CNKSR3: variants seen among roughly 807,000 people sequenced by gnomAD.
CNKSR3 encodes connector enhancer of kinase suppressor of ras 3.
A neutral mutation model predicts 67.7 loss-of-function variants in CNKSR3; 36 were observed. The ratio of observed to expected loss-of-function variants is 0.53; its 90% CI spans 0.41 to 0.70. The LOEUF is 0.70. CNKSR3 is among the 30% of genes least tolerant of loss of function. The pLI, the probability that CNKSR3 is intolerant of heterozygous loss-of-function variation, is 0.00. For missense variants in CNKSR3, 630 were observed against 695.2 expected (o/e 0.91, Z 1.05); for synonymous variants, 281 against 271.4 (o/e 1.04, Z -0.35).
chr6:154,448,434 C>CAAAA (rs56872694), intron 2 of CNKSR3, among the ~76,000 whole-genome samples: 3 of 121,728 alleles, frequency 2.5e-5, no homozygotes, highest in Non-Finnish European at 5.0e-5. Flanking sequence ...CACGTTTGTA[C>CAAAA]AAAAAAAAAA....
intron 1 of CNKSR3, among the ~76,000 whole-genome samples, chr6:154,483,683 C>A (rs1297589421): frequency 6.6e-6 from 1 of 152,138 alleles, no homozygotes; most frequent in South Asian, 2.1e-4. Flanking sequence ...TTGTGGAGCA[C>A]CAACAACTCT....
At chr6:154,423,102 TAAA>T in intron 7 of CNKSR3, 119 bp from the exon 8 acceptor site, 1 of 688,478 alleles carries the variant, frequency 1.5e-6, no homozygotes, top group Non-Finnish European at 2.5e-6. Context: ...TCAGGAAAAA[TAAA>T]ACAATGCACT....
chr6:154,509,023 A>C (rs1391783279), intron 1 of CNKSR3, among the ~76,000 whole-genome samples: 1 of 151,960 alleles, frequency 6.6e-6, no homozygotes, highest in East Asian at 2.0e-4. Flanking sequence ...AGCTCTTAGC[A>C]AACTGTAAAG....
At chr6:154,502,102 G>A (rs1168186131) in intron 1 of CNKSR3, among the ~76,000 whole-genome samples, 4 of 151,784 alleles carry the variant, frequency 2.6e-5, no homozygotes, top group African/African-American at 9.7e-5. Context: ...AAACACATAC[G>A]CCATACGTTA....
intron 1 of CNKSR3, among the ~76,000 whole-genome samples, chr6:154,469,141 A>G (rs1037271849): frequency 6.6e-6 from 1 of 152,258 alleles, no homozygotes; most frequent in Non-Finnish European, 1.5e-5. Flanking sequence ...ACTGGCATCA[A>G]AGAAAAAATT....
intron 1 of CNKSR3, among the ~76,000 whole-genome samples, chr6:154,502,121 G>T (rs1183726713): frequency 6.6e-6 from 1 of 151,668 alleles, no homozygotes; most frequent in Non-Finnish European, 1.5e-5. Context: ...TATGCAAGGG[G>T]CTTTCCCTGT....
chr6:154,424,333 C>A (rs141035937), intron 7 of CNKSR3, among the ~76,000 whole-genome samples: 4 of 152,042 alleles, frequency 2.6e-5, no homozygotes, highest in African/African-American at 9.6e-5. Flanking sequence ...AGCCACCTAG[C>A]CTAGAACTCT....
At chr6:154,407,883 A>AAAC (rs1554230765) in intron 12 of CNKSR3, among the ~76,000 whole-genome samples, 2 of 150,990 alleles carry the variant, frequency 1.3e-5, no homozygotes, top group South Asian at 2.1e-4. Flanking sequence ...AAAAAAAAAA[A>AAAC]AAAAAAAAAA....
rs1157193114 is a variant in CNKSR3 at position 154,441,739 on chromosome 6, T to TAA, written c.419+348_419+349insTT. The stretch of plus-strand genomic sequence containing the variant: ...TGAATAGAAAGAGAGAAGGAATAGA[T>TAA]TAAAAACAAAACAAAACAAAAATTG... On this transcript the variant is annotated intron_variant, in intron 3 of 12. Coordinates refer to ENST00000607772, the MANE Select transcript of CNKSR3 (RefSeq NM_173515.4). Among the ~76,000 whole-genome samples the TAA allele has an allele frequency of 1.6e-4, 22 of 137,316 alleles. No individual in the cohort carries two copies. In the East Asian group the frequency reaches 2.5e-3, roughly 16 times the overall value. 90.1% of individuals were successfully genotyped at this position (137,316 alleles called of 152,430 possible).
chr6:154,441,394 C>G lies in CNKSR3; in HGVS notation c.420-15G>C, dbSNP rs368205637. 2.5e-6 allele frequency: 4 copies of G among 1,601,780 alleles called. No individual in the cohort carries two copies. Among genetic ancestry groups the G allele is most frequent in the Non-Finnish European group, 3.4e-6 (4 of 1,169,226 alleles). On this transcript the variant is annotated splice_polypyrimidine_tract_variant and intron_variant, in intron 3 of 12. Coordinates refer to ENST00000607772, the MANE Select transcript of CNKSR3 (RefSeq NM_173515.4). ...TAAACGGAGCCCTAGAAGGTAGCAA[C>G]AATCCTCTTAAAAAGGGGTAGGGAG...
chr6:154,481,511 G>A (rs1403538877), intron 1 of CNKSR3, among the ~76,000 whole-genome samples: 2 of 152,156 alleles, frequency 1.3e-5, no homozygotes, highest in African/African-American at 4.8e-5. Context: ...ATCTCTCCTC[G>A]AGAAGTTCCC....
At position 154,414,406 on chromosome 6, in the gene CNKSR3, C is replaced by A. The variant is rs371421115; in HGVS notation, c.963G>T (p.Ala321=). 10 of 1,598,582 alleles carry A rather than the reference C, an allele frequency of 6.3e-6. No homozygotes were observed. In the African/African-American group the frequency reaches 1.2e-4, roughly 19 times the overall value. The change falls in exon 10 of 13, where the codon GCG becomes GCT. Residue 321 remains alanine (A), a synonymous_variant. Transcript: ENST00000607772. The part of the protein sequence containing the change: ...PPLVQTSPPP[A]TTQSPESTMD... ...TAGTGCTTTCAGGGGACTGGGTTGT[C>A]GCGGGTGGAGGTGAGGTCTGAAACA...
chr6:154,464,260 T>C (rs1446683725), intron 1 of CNKSR3, among the ~76,000 whole-genome samples: 3 of 152,102 alleles, frequency 2.0e-5, no homozygotes, highest in South Asian at 2.1e-4. Context: ...TCACTGCACA[T>C]TGTCACAGCA....
intron 1 of CNKSR3, among the ~76,000 whole-genome samples, chr6:154,455,588 A>T (rs1015673770): frequency 6.6e-6 from 1 of 151,836 alleles, no homozygotes; most frequent in African/African-American, 2.4e-5. Context: ...CGTCCAGCTA[A>T]TTTTTGTATT....
chr6:154,505,573 C>T (rs1353697226), intron 1 of CNKSR3, among the ~76,000 whole-genome samples: 2 of 150,538 alleles, frequency 1.3e-5, no homozygotes, highest in African/African-American at 4.9e-5. Flanking sequence ...TCTCGGCTCA[C>T]TGCAGCCTCC....
chr6:154,506,782 G>A (rs73790805), intron 1 of CNKSR3, among the ~76,000 whole-genome samples: 18,207 of 152,252 alleles, frequency 0.12, 1,197 homozygotes, highest in African/African-American at 0.16. Context: ...CTGGCAAGGC[G>A]CCATGAACTA....
At chr6:154,493,895 A>G (rs1562357428) in intron 1 of CNKSR3, among the ~76,000 whole-genome samples, 1 of 152,124 alleles carries the variant, frequency 6.6e-6, no homozygotes, top group Non-Finnish European at 1.5e-5. Context: ...CTCCTCCAAC[A>G]TTAAGGATCA....
At chr6:154,454,102 CACAGAGAGAG>C (rs1158935745) in intron 1 of CNKSR3, among the ~76,000 whole-genome samples, 19 of 115,296 alleles carry the variant, frequency 1.6e-4, no homozygotes, top group Admixed American at 2.9e-4. Flanking sequence ...CACACACACA[CACAGAGAGAG>C]AGAGAGAGAG....
chr6:154,442,824 A>G (rs1785629210), intron 2 of CNKSR3, among the ~76,000 whole-genome samples: 1 of 152,116 alleles, frequency 6.6e-6, no homozygotes, highest in Non-Finnish European at 1.5e-5. Flanking sequence ...TTTGTTCTTG[A>G]TAGTTCCTCT....
Sources: gnomAD v4.1 joint callset for allele counts (sites outside exome capture counted in the v4.1 genomes callset) on GRCh38, gnomAD v4.1.1 for gene constraint, MANE v1.5 for transcripts, NCBI Gene and HGNC (gene_info 2026-07-23, HGNC 2026-07-21) for gene names.